The following TCF7L1 variants were observed in gnomAD, a reference collection of about 807,000 sequenced individuals.
TCF7L1 encodes transcription factor 7 like 1.
Under a neutral mutation model 63.7 loss-of-function variants are expected in TCF7L1, and 18 were observed. The ratio of observed to expected loss-of-function variants is 0.28; its 90% CI spans 0.20 to 0.42. The LOEUF (loss-of-function observed/expected upper bound fraction) is 0.42, where lower values mean the gene tolerates loss of function less well. Among genes scored for constraint, TCF7L1 ranks in the 10% least tolerant of loss-of-function variants. The pLI, the probability that TCF7L1 is intolerant of heterozygous loss-of-function variation, is 1.00. For synonymous variants in TCF7L1, 355 were observed against 340.9 expected, an observed-to-expected ratio of 1.04 and a Z score of -0.46; for missense variants, 654 against 779.3, an observed-to-expected ratio of 0.84 and a Z score of 1.91.
intron 3 of TCF7L1, among the ~76,000 whole-genome samples, chr2:85,150,236 C>T (rs1261420942): frequency 4.4e-4 from 62 of 142,226 alleles, no homozygotes; most frequent in Admixed American, 2.8e-3. Flanking sequence ...GTTCTTGACT[C>T]TTTTTTTTTT....
At chr2:85,163,052 G>A (rs1469287431) in intron 3 of TCF7L1, among the ~76,000 whole-genome samples, 1 of 152,100 alleles carries the variant, frequency 6.6e-6, no homozygotes, top group African/African-American at 2.4e-5. Flanking sequence ...GCCGGATTCT[G>A]AGAAGGAAAG....
intron 3 of TCF7L1, among the ~76,000 whole-genome samples, chr2:85,278,946 A>G (rs1331952181): frequency 6.6e-6 from 1 of 152,244 alleles, no homozygotes; most frequent in Non-Finnish European, 1.5e-5. Flanking sequence ...AGTTGCATTG[A>G]TGCCATTCAT....
chr2:85,174,031 G>A (rs566341749), intron 3 of TCF7L1, among the ~76,000 whole-genome samples: 6 of 152,184 alleles, frequency 3.9e-5, no homozygotes, highest in African/African-American at 9.6e-5. Flanking sequence ...CACCGCGCCC[G>A]GCCAGAATTC....
chr2:85,148,850 T>G, intron 3 of TCF7L1, among the ~76,000 whole-genome samples: 1 of 149,204 alleles, frequency 6.7e-6, no homozygotes, highest in East Asian at 2.0e-4. Context: ...CTTGGCTCAC[T>G]GCAACCTCTG....
At position 85,148,878 on chromosome 2, in the gene TCF7L1, G is replaced by A. The variant is rs577116350; in HGVS notation, c.441+14428G>A. Among the ~76,000 whole-genome samples the A allele has an allele frequency of 6.0e-5, 9 of 150,402 alleles. No individual in the cohort carries two copies. In the South Asian group the frequency reaches 1.9e-3, roughly 32 times the overall value. ...AACCTCTGCCCCCCCAGGTTCAAGC[G>A]ATTCTCTCTCCTGCCTCAGCCTCCT... On this transcript the variant is annotated intron_variant, in intron 3 of 11. Coordinates refer to ENST00000282111, the MANE Select transcript of TCF7L1 (RefSeq NM_031283.3).
In TCF7L1 at chr2:85,306,242, G is replaced by A; in HGVS notation, c.1026G>A (p.Lys342=). The A allele has an allele frequency of 6.2e-7, 1 of 1,614,162 alleles. No homozygotes were observed. The highest frequency in any genetic ancestry group is 1.1e-5 in the South Asian group (1 of 91,084). Reference sequence around the variant, plus strand: ...TCACCGTGAAAAAGGAGGAGGAAAAGAAGCCCCACGTGAAGAAGCCTCTGA... The same window carrying A: ...TCACCGTGAAAAAGGAGGAGGAAAAAAAGCCCCACGTGAAGAAGCCTCTGA... ...SPVTVKKEEE[K]KPHVKKPLNA... The change falls in exon 9 of 12, where the codon AAG becomes AAA. Residue 342 remains lysine, a synonymous_variant. Coordinates refer to ENST00000282111, the MANE Select transcript of TCF7L1 (RefSeq NM_031283.3). This position sits in a 1 kb window ranked among gnomAD's most constrained non-coding sequence, Gnocchi z 4.3.
chr2:85,279,364 G>A (rs1477178676), intron 3 of TCF7L1, among the ~76,000 whole-genome samples: 2 of 151,408 alleles, frequency 1.3e-5, no homozygotes, highest in Non-Finnish European at 2.9e-5. Flanking sequence ...TTGAAGACGA[G>A]CCTGGGCAAC....
At chr2:85,290,901 G>T (rs1418833653) in intron 4 of TCF7L1, among the ~76,000 whole-genome samples, 2 of 152,208 alleles carry the variant, frequency 1.3e-5, no homozygotes, top group Non-Finnish European at 2.9e-5. Context: ...ACCAGGATGG[G>T]AGCTGGGAGC....
chr2:85,308,933 T>G lies in TCF7L1; in HGVS notation c.1334-96T>G, dbSNP rs566204859. ...GTCAGGTCCTCGCCAAAATCATCCCTGTGTCTCCAAAGCACATGTATCGCC... is the reference window on the plus strand; with the variant it reads ...GTCAGGTCCTCGCCAAAATCATCCCGGTGTCTCCAAAGCACATGTATCGCC... On this transcript the variant is annotated intron_variant, in intron 11 of 11. Coordinates refer to ENST00000282111, the MANE Select transcript of TCF7L1 (RefSeq NM_031283.3). 32 of 1,397,548 alleles carry G rather than the reference T, an allele frequency of 2.3e-5. No individual in the cohort carries two copies. The South Asian group carries it at 3.7e-4, about 16-fold the overall frequency. 86.6% of individuals were successfully genotyped at this position (1,397,548 alleles called of 1,614,324 possible).
At chr2:85,166,244 A>G (rs982074158) in intron 3 of TCF7L1, among the ~76,000 whole-genome samples, 13 of 152,202 alleles carry the variant, frequency 8.5e-5, no homozygotes, top group Admixed American at 8.5e-4. Flanking sequence ...TATTATTTAC[A>G]GGGCTCAGCC....
At chr2:85,307,918 G>GGT (rs1203186106) in intron 11 of TCF7L1, among the ~76,000 whole-genome samples, 1 of 152,178 alleles carries the variant, frequency 6.6e-6, no homozygotes, top group Admixed American at 6.5e-5. Context: ...CTTCAGTGGT[G>GGT]GTGGTAGGAT....
At chr2:85,239,461 A>G (rs1680275933) in intron 3 of TCF7L1, among the ~76,000 whole-genome samples, 1 of 151,964 alleles carries the variant, frequency 6.6e-6, no homozygotes, top group Non-Finnish European at 1.5e-5. Context: ...TCTATGTGCA[A>G]ACTCTTCCCA....
intron 3 of TCF7L1, among the ~76,000 whole-genome samples, chr2:85,189,561 G>C (rs984128784): frequency 6.6e-6 from 1 of 152,250 alleles, no homozygotes; most frequent in Non-Finnish European, 1.5e-5. Flanking sequence ...CATCAGGGGT[G>C]GGGGTAGGGG....
chr2:85,304,512 T>C (rs1682059019), intron 7 of TCF7L1, 174 bp downstream of exon 7: 2 of 629,706 alleles, frequency 3.2e-6, no homozygotes, highest in Non-Finnish European at 2.7e-6. Context: ...CAGGTCAGAA[T>C]GGAGACCACA....
intron 4 of TCF7L1, among the ~76,000 whole-genome samples, chr2:85,299,904 C>CACACACACACACACACACACACACA (rs1558660698): frequency 6.7e-6 from 1 of 150,270 alleles, no homozygotes. Context: ...CACACACACA[C>CACACACACACACACACACACACACA]TGATGCCCAG....
At position 85,309,115 on chromosome 2, in the gene TCF7L1, A is replaced by G; in HGVS notation, c.1420A>G (p.Ser474Gly). The change falls in exon 12 of 12, where the codon AGC becomes GGC. Residue 474 changes from serine (S) to glycine (G), a missense_variant. Transcript: ENST00000282111. ...TGACAGCCCTGCCTCCTCCCACGGG[A>G]GCATGCTGGACTCCCCGGCCACTCC... ...PCDSPASSHG[S>G]MLDSPATPSA... 2 of 1,606,748 alleles carry G rather than the reference A, an allele frequency of 1.2e-6. No individual in the cohort carries two copies. Among genetic ancestry groups the G allele is most frequent in the Non-Finnish European group, 1.7e-6 (2 of 1,177,636 alleles).
chr2:85,283,272 C>G (rs1180278184), intron 3 of TCF7L1, among the ~76,000 whole-genome samples: 2 of 58,196 alleles, frequency 3.4e-5, no homozygotes, highest in Non-Finnish European at 1.5e-4. Flanking sequence ...GTGTCCCCCC[C>G]CCCAAAATGA....
At chr2:85,245,833 TA>T (rs58364125) in intron 3 of TCF7L1, among the ~76,000 whole-genome samples, 7,590 of 131,218 alleles carry the variant, frequency 0.058, 518 homozygotes, top group African/African-American at 0.18. Context: ...ATTAATTAAT[TA>T]AAAAAAAAAA....
chr2:85,190,910 G>A (rs1679028627), intron 3 of TCF7L1, among the ~76,000 whole-genome samples: 1 of 152,168 alleles, frequency 6.6e-6, no homozygotes, highest in Non-Finnish European at 1.5e-5. Flanking sequence ...TTCCCAAGGT[G>A]AGTGGCAGAG....
Sources: allele counts gnomAD v4.1 joint callset (sites outside exome capture counted in the v4.1 genomes callset), GRCh38; gene constraint gnomAD v4.1.1; non-coding constraint Gnocchi (gnomAD v3.1); transcripts MANE v1.5; gene names NCBI Gene and HGNC (gene_info 2026-07-23, HGNC 2026-07-21).